PLEC: variants seen among roughly 807,000 people sequenced by gnomAD.
The protein encoded by PLEC is plectin, also known as hemidesmosomal protein 1.
Under a neutral mutation model 392.8 loss-of-function variants are expected in PLEC, and 216 were observed. That is an observed-to-expected ratio of 0.55 (90% CI 0.49 to 0.62). The LOEUF is 0.62. Among genes scored for constraint, PLEC ranks in the 20% least tolerant of loss-of-function variants. The probability of loss-of-function intolerance (pLI) is 0.00; values close to 1 mark genes in which losing one functional copy is unlikely to be tolerated. For synonymous variants in PLEC, 3,621 were observed against 2,980.6 expected (o/e 1.21, Z -7.00); for missense variants, 6,863 against 6,563.4 (o/e 1.05, Z -1.58).
At chr8:143,945,090 T>C in intron 1 of PLEC, 1 of 399,320 alleles carries the variant, frequency 2.5e-6, no homozygotes. Context: ...GGGGGTGCTC[T>C]TGGAAAGGCC....
chr8:143,921,519 G>A lies in PLEC; in HGVS notation c.8302C>T (p.Leu2768=). The stretch of plus-strand genomic sequence containing the variant: ...CCAGTGACGGCGCGCTCGGCCGACA[G>A]CAGCTTGTGGTGCAGCTCGGGGCCC... ...VVGPELHHKL[L]SAERAVTGYK... Residue 2768 remains leucine (L), a synonymous_variant, in exon 32 of 32, where the codon CTG becomes TTG. Transcript: ENST00000345136. The A allele has an allele frequency of 6.2e-7, 1 of 1,613,016 alleles. No individual in the cohort carries two copies. Among genetic ancestry groups the A allele is most frequent in the Non-Finnish European group, 8.5e-7 (1 of 1,179,806 alleles).
rs371271326 is a variant in PLEC, at chr8:143,929,192, C to T, written c.3171G>A (p.Ser1057=). 1.9e-3 allele frequency: 2,985 copies of T among 1,600,970 alleles called. 3 individuals are homozygous for T. The highest frequency in any genetic ancestry group is 2.2e-3 in the Non-Finnish European group (2,578 of 1,176,692). Residue 1057 remains serine (S), a synonymous_variant, in exon 25 of 32, where the codon TCG becomes TCA. Transcript: ENST00000345136. ...AEKVLALPEP[S]PAAPTLRSEL... is the part of the protein sequence containing the mutation. ...CCGAGCGCAGCGTGGGGGCCGCAGG[C>T]GATGGCTCTGGTAGGGCCAAGACCT...
intron 1 of PLEC, 102 bp downstream of exon 1, chr8:143,939,248 A>C (rs1437083040): frequency 6.8e-7 from 1 of 1,467,814 alleles, no homozygotes. Flanking sequence ...CTCCAAGACC[A>C]GCCCCCCAGC....
At position 143,930,550 on chromosome 8, in the gene PLEC, G is replaced by A. The variant is rs372965650; in HGVS notation, c.2305-14C>T. 1.0e-5 allele frequency: 16 copies of A among 1,576,694 alleles called. No individual in the cohort carries two copies. In the East Asian group the frequency reaches 1.6e-4, roughly 16 times the overall value. ...TTCCTTCTCGTCCTGTGGGGGAGGG[G>A]CAGCATCCAGACGAGGGCCATGGAG... On this transcript the variant is annotated splice_polypyrimidine_tract_variant and intron_variant, in intron 19 of 31. Coordinates refer to ENST00000345136, the MANE Select transcript of PLEC (RefSeq NM_201384.3).
At chr8:143,933,927 T>C in intron 12 of PLEC, 71 bp downstream of exon 12, 1 of 1,375,732 alleles carries the variant, frequency 7.3e-7, no homozygotes. Flanking sequence ...CCCTCCTGGC[T>C]TTAGGGCTGC....
Position 143,921,522 on chromosome 8 carries a change from G to C in PLEC, c.8299C>G (p.Leu2767Val). 3 of 1,613,040 alleles carry C rather than the reference G, an allele frequency of 1.9e-6. No homozygotes were observed. The highest frequency in any genetic ancestry group is 2.2e-5 in the East Asian group (1 of 44,878). ...GTGACGGCGCGCTCGGCCGACAGCA[G>C]CTTGTGGTGCAGCTCGGGGCCCACC... is the stretch of plus-strand genomic sequence containing the variant. ...GVVGPELHHK[L>V]LSAERAVTGY... Residue 2767 changes from leucine to valine, a missense_variant, in exon 32 of 32, where the codon CTG becomes GTG. By Grantham distance (32) the Leu-to-Val change is conservative. Coordinates refer to ENST00000345136, the MANE Select transcript of PLEC (RefSeq NM_201384.3).
intron 1 of PLEC, among the ~76,000 whole-genome samples, chr8:143,946,821 C>CAGA (rs1714926560): frequency 7.4e-6 from 1 of 135,230 alleles, no homozygotes; most frequent in Non-Finnish European, 1.5e-5. Flanking sequence ...CAGGCGGGAG[C>CAGA]AGAGCCCCAA....
Position 143,920,222 on chromosome 8 carries a change from C to T in PLEC, c.9599G>A (p.Arg3200Gln), listed in dbSNP as rs782232536. The T allele has an allele frequency of 3.7e-5, 60 of 1,605,736 alleles. No individual in the cohort carries two copies. Among genetic ancestry groups the T allele is most frequent in the Middle Eastern group, 1.6e-4 (1 of 6,078 alleles). ...GCTCAGCCCGGTCAGCTGGTCGGGC[C>T]GGCACCGCTGCTGGAGCTCGCCGTA... The part of the protein sequence containing the change: ...ATYGELQQRC[R>Q]PDQLTGLSLL... The change falls in exon 32 of 32, where the codon CGG becomes CAG. Residue 3200 changes from arginine (R) to glutamine (Q), a missense_variant. Physicochemically the swap from Arg to Gln is conservative, Grantham distance 43. Transcript: ENST00000345136.
At chr8:143,942,498 G>GT (rs782744701), upstream of PLEC, 48 of 1,580,696 alleles carry the variant, frequency 3.0e-5, no homozygotes, top group Non-Finnish European at 3.9e-5. Context: ...AGGCAAAGGC[G>GT]CCCCCCGCCC....
rs1297260682 is a variant in PLEC at position 143,917,050 on chromosome 8, G to C, written c.12771C>G (p.Pro4257=). ...GGGTCCTGGAGACGGCGGGGCTGAT[G>C]GGGTAGGAGGAGGAGGATCCCACCG... ...SSSVGSSSSY[P]ISPAVSRTQL... Residue 4257 remains proline (P), a synonymous_variant, in exon 32 of 32, where the codon CCC becomes CCG. Coordinates refer to ENST00000345136, the MANE Select transcript of PLEC (RefSeq NM_201384.3). 11 of 1,608,328 alleles carry C rather than the reference G, an allele frequency of 6.8e-6. No homozygotes were observed. Among genetic ancestry groups the C allele is most frequent in the Non-Finnish European group, 9.4e-6 (11 of 1,176,218 alleles).
At chr8:143,937,134 G>T (rs376858226) in intron 4 of PLEC, 31 bp downstream of exon 4, 4 of 1,609,502 alleles carry the variant, frequency 2.5e-6, no homozygotes, top group Non-Finnish European at 3.4e-6. Flanking sequence ...AGGGGTCTGG[G>T]TGGGGCCCAG....
At chr8:143,965,064 C>T (rs988095402) in intron 1 of PLEC, among the ~76,000 whole-genome samples, 2 of 150,528 alleles carry the variant, frequency 1.3e-5, no homozygotes, top group South Asian at 4.2e-4. Flanking sequence ...CACTTGGCCC[C>T]AGCCCACCTG....
intron 30 of PLEC, 109 bp downstream of exon 30, chr8:143,926,675 G>T: frequency 2.2e-6 from 2 of 917,566 alleles, no homozygotes; most frequent in Non-Finnish European, 3.6e-6. Flanking sequence ...AGTGGGGAGA[G>T]TGGGGAGGGC....
intron 1 of PLEC, among the ~76,000 whole-genome samples, chr8:143,972,886 A>G (rs1047283852): frequency 6.6e-6 from 1 of 152,166 alleles, no homozygotes; most frequent in Non-Finnish European, 1.5e-5. Flanking sequence ...CCCCTAGCCC[A>G]CAGCTGTCCC....
At chr8:143,958,104 C>T (rs1832690930), upstream of PLEC, among the ~76,000 whole-genome samples, 1 of 152,226 alleles carries the variant, frequency 6.6e-6, no homozygotes. This position sits in a 1 kb window ranked among gnomAD's most constrained non-coding sequence, Gnocchi z 4.9. Context: ...TCACCTGCCC[C>T]AGGCTTCTGC....
rs202218097 is a variant in PLEC, at chr8:143,935,035, G to A, written c.801C>T (p.Asp267=). ...SLYDAMPRVP[D]VQDGVRANEL... ...CGTTGGCCCTCACCCCATCCTGCAC[G>A]TCCGGCACGCGGGGCATGGCGTCAT... The change falls in exon 8 of 32, where the codon GAC becomes GAT. Residue 267 remains aspartate (D), a synonymous_variant. Transcript: ENST00000345136. 2.2e-4 allele frequency: 360 copies of A among 1,612,758 alleles called. 1 individual carries two copies. In the East Asian group the frequency reaches 5.7e-3, roughly 25 times the overall value.
chr8:143,973,653 C>A (rs1833553425), upstream of PLEC: 1 of 475,536 alleles, frequency 2.1e-6, no homozygotes, highest in Non-Finnish European at 2.7e-6. The surrounding 1 kb of genome is among the most constrained non-coding windows in gnomAD (Gnocchi z 5.6). Context: ...CAGAGGGAGC[C>A]GCGTCTGGGC....
Position 143,939,388 on chromosome 8 carries a change from A to G in PLEC, c.74T>C (p.Leu25Pro), listed in dbSNP as rs1829960738. Reference protein sequence around the residue: ...GRKRTSSEDNLYLAVLRASEG... With the variant: ...GRKRTSSEDNPYLAVLRASEG... The stretch of plus-strand genomic sequence containing the variant: ...AGAGGCCCTGAGCACAGCCAGGTAC[A>G]GGTTGTCCTCCGAGCTGGTTCTCTT... The change falls in exon 1 of 32, where the codon CTG (leucine) becomes CCG (proline). Residue 25 changes from leucine to proline, a missense_variant. Leu to Pro is a moderately conservative substitution (Grantham distance 98, BLOSUM62 -3). Coordinates refer to ENST00000345136, the MANE Select transcript of PLEC (RefSeq NM_201384.3). 2.5e-6 allele frequency: 4 copies of G among 1,612,596 alleles called. No individual in the cohort carries two copies. Among genetic ancestry groups the G allele is most frequent in the East Asian group, 4.5e-5 (2 of 44,826 alleles).
At position 143,930,469 on chromosome 8, in the gene PLEC, A is replaced by G. The variant is rs997953368; in HGVS notation, c.2372T>C (p.Val791Ala). The G allele has an allele frequency of 6.3e-7, 1 of 1,589,948 alleles. No individual in the cohort carries two copies. Among genetic ancestry groups the G allele is most frequent in the African/African-American group, 1.3e-5 (1 of 74,362 alleles). ...TGGGTGGCGGGGCTTCAGCTGCACG[A>G]CGGCCTTGGCCCGCTTGGCCAGGCC... ...LSGLAKRAKAVVQLKPRHPAH... is the reference protein window; with the variant it reads ...LSGLAKRAKAAVQLKPRHPAH... The change falls in exon 20 of 32, where the codon GTC becomes GCC. Residue 791 changes from valine (V) to alanine (A), a missense_variant. Transcript: ENST00000345136.
Sources: gnomAD v4.1 joint callset for allele counts (sites outside exome capture counted in the v4.1 genomes callset) on GRCh38, gnomAD v4.1.1 for gene constraint, Gnocchi (gnomAD v3.1) non-coding constraint, MANE v1.5 for transcripts, NCBI Gene and HGNC (gene_info 2026-07-23, HGNC 2026-07-21) for gene names.